Variants in NEGR1 observed in about 807,000 individuals in gnomAD.
The protein encoded by NEGR1 is IgLON family member 4.
NEGR1 carries 10 observed loss-of-function variants against 40.9 expected under a neutral mutation model. The ratio of observed to expected loss-of-function variants is 0.24; its 90% CI spans 0.15 to 0.42. NEGR1 has a LOEUF of 0.42. Ranked by LOEUF, NEGR1 falls within the 10% of genes least tolerant of loss-of-function variation. The pLI is 1.00. For synonymous variants in NEGR1, 185 were observed against 166.8 expected (o/e 1.11, Z -0.84); for missense variants, 352 against 438.9 (o/e 0.80, Z 1.77).
At chr1:72,065,320 C>T (rs1171952064) in intron 1 of NEGR1, among the ~76,000 whole-genome samples, 1 of 152,034 alleles carries the variant, frequency 6.6e-6, no homozygotes, top group African/African-American at 2.4e-5. Context: ...TCTTAGAAAT[C>T]CTTCCTCTAC....
At chr1:72,260,250 T>G (rs1467796289) in intron 1 of NEGR1, among the ~76,000 whole-genome samples, 1 of 152,188 alleles carries the variant, frequency 6.6e-6, no homozygotes, top group East Asian at 1.9e-4. Flanking sequence ...AAAGGGTTTT[T>G]ATATAGTATA....
At chr1:71,520,049 T>G (rs961791708) in intron 6 of NEGR1, among the ~76,000 whole-genome samples, 5 of 152,048 alleles carry the variant, frequency 3.3e-5, no homozygotes, top group African/African-American at 1.2e-4. Context: ...AATTTGTGGG[T>G]CCCTAAAAAT....
At chr1:72,282,251 A>G in intron 1 of NEGR1, 68 bp downstream of exon 1, 5 of 1,566,618 alleles carry the variant, frequency 3.2e-6, no homozygotes, top group Non-Finnish European at 4.4e-6. Flanking sequence ...TAAAGAAGGC[A>G]AAGAGGGTTC....
chr1:71,661,284 A>G (rs192827731), intron 4 of NEGR1, among the ~76,000 whole-genome samples: 39 of 152,312 alleles, frequency 2.6e-4, no homozygotes, highest in African/African-American at 8.7e-4. Flanking sequence ...AGGAAACAAC[A>G]GATGCTGGAC....
Position 71,407,506 on chromosome 1 carries a change from A to C in NEGR1, c.1005T>G (p.Leu335=). 1.2e-6 allele frequency: 2 copies of C among 1,611,598 alleles called. No homozygotes were observed. The highest frequency in any genetic ancestry group is 1.7e-6 in the Non-Finnish European group (2 of 1,177,922). ...TGGTGAAAGAGGACAGTGTCAACACAAGGTACCAGCAGGAGAAAAGAACAT... is the reference window on the plus strand; with the variant it reads ...TGGTGAAAGAGGACAGTGTCAACACCAGGTACCAGCAGGAGAAAAGAACAT... ...SADVLFSCWY[L]VLTLSSFTSI... Residue 335 remains leucine, a synonymous_variant, in exon 7 of 7, where the codon CTT becomes CTG. Coordinates refer to ENST00000357731, the MANE Select transcript of NEGR1 (RefSeq NM_173808.3).
chr1:71,799,220 G>A (rs1038658082), intron 2 of NEGR1, among the ~76,000 whole-genome samples: 2 of 151,980 alleles, frequency 1.3e-5, no homozygotes, highest in African/African-American at 4.8e-5. Context: ...ACAGGCCCCA[G>A]TGTGTGATAT....
At chr1:71,549,691 A>G (rs1004130957) in intron 6 of NEGR1, among the ~76,000 whole-genome samples, 1 of 151,720 alleles carries the variant, frequency 6.6e-6, no homozygotes, top group Non-Finnish European at 1.5e-5. Flanking sequence ...CATGCTCTTA[A>G]GCAATGCATA....
intron 1 of NEGR1, among the ~76,000 whole-genome samples, chr1:72,183,347 C>A (rs2100416885): frequency 6.6e-6 from 1 of 152,156 alleles, no homozygotes; most frequent in Admixed American, 6.6e-5. Context: ...TTCTTCTGAT[C>A]TTTGCTCAAG....
intron 1 of NEGR1, among the ~76,000 whole-genome samples, chr1:72,194,440 G>C (rs1168596937): frequency 6.6e-6 from 1 of 151,988 alleles, no homozygotes; most frequent in Non-Finnish European, 1.5e-5. Context: ...CTGTTAGAGT[G>C]AAAGTCCACA....
chr1:71,694,179 G>A (rs918244131), intron 4 of NEGR1, among the ~76,000 whole-genome samples: 2 of 151,530 alleles, frequency 1.3e-5, no homozygotes, highest in Non-Finnish European at 3.0e-5. Context: ...AATAAAATGG[G>A]GAATCTGTCC....
chr1:72,182,190 G>T (rs1023685761), intron 1 of NEGR1, among the ~76,000 whole-genome samples: 1 of 152,044 alleles, frequency 6.6e-6, no homozygotes, highest in African/African-American at 2.4e-5. Flanking sequence ...TACACAATTT[G>T]TCTTTTTAAA....
intron 2 of NEGR1, among the ~76,000 whole-genome samples, chr1:71,888,768 A>G (rs1443597337): frequency 1.6e-5 from 1 of 60,682 alleles, no homozygotes; most frequent in African/African-American, 6.9e-5. Context: ...GGGGCAGGGC[A>G]CAGACAAACA....
chr1:72,097,143 T>C (rs952203353), intron 1 of NEGR1, among the ~76,000 whole-genome samples: 2 of 152,200 alleles, frequency 1.3e-5, no homozygotes, highest in South Asian at 4.1e-4. Context: ...AGTGGTATTT[T>C]ATAATGATTA....
chr1:71,683,773 A>AT (rs370689018), intron 4 of NEGR1, among the ~76,000 whole-genome samples: 49,435 of 144,230 alleles, frequency 0.34, 9,344 homozygotes, highest in East Asian at 0.45. Flanking sequence ...GTTACTTAGG[A>AT]TTTTTTTTTT....
chr1:72,200,777 A>G (rs1354107724), intron 1 of NEGR1, among the ~76,000 whole-genome samples: 1 of 151,998 alleles, frequency 6.6e-6, no homozygotes, highest in Non-Finnish European at 1.5e-5. Context: ...TTTCCACTCC[A>G]ATGTAAGATT....
intron 1 of NEGR1, among the ~76,000 whole-genome samples, chr1:72,057,574 C>T (rs1647123192): frequency 1.3e-5 from 2 of 151,458 alleles, no homozygotes; most frequent in East Asian, 2.0e-4. Flanking sequence ...GAGCATGAGA[C>T]ATCTTTCTCA....
chr1:71,870,945 C>G lies in NEGR1; in HGVS notation c.409+64134G>C, dbSNP rs116414569. ...CTTAGCAGAGTTTTGAAAATTCACC[C>G]TGAAGGCTAGAATACTTTCTTTGTA... On this transcript the variant is annotated intron_variant, in intron 2 of 6. Coordinates refer to ENST00000357731, the MANE Select transcript of NEGR1 (RefSeq NM_173808.3). Among the ~76,000 whole-genome samples, 511 of 152,262 alleles carry G rather than the reference C, an allele frequency of 3.4e-3. 2 individuals are homozygous for G. Among genetic ancestry groups the G allele is most frequent in the African/African-American group, 0.012 (494 of 41,550 alleles).
intron 1 of NEGR1, among the ~76,000 whole-genome samples, chr1:72,127,215 G>A (rs1036080644): frequency 2.0e-5 from 3 of 151,914 alleles, no homozygotes; most frequent in African/African-American, 7.2e-5. Context: ...CCGTAATCCC[G>A]GTACTTTGGG....
chr1:71,635,511 C>A (rs1417947675), intron 4 of NEGR1, among the ~76,000 whole-genome samples: 1 of 151,784 alleles, frequency 6.6e-6, no homozygotes, highest in Non-Finnish European at 1.5e-5. Context: ...GTATTTGAGG[C>A]AAAATGGAGA....
Sources: allele counts gnomAD v4.1 joint callset (sites outside exome capture counted in the v4.1 genomes callset), GRCh38; gene constraint gnomAD v4.1.1; transcripts MANE v1.5; gene names NCBI Gene and HGNC (gene_info 2026-07-23, HGNC 2026-07-21).